The following CDH12 variants were observed in gnomAD, a reference collection of about 807,000 sequenced individuals.
CDH12 encodes cadherin-12.
In CDH12, 41 loss-of-function variants were observed where a neutral mutation model predicts 74.1. The ratio of observed to expected loss-of-function variants is 0.55; its 90% confidence interval spans 0.43 to 0.72. The LOEUF is 0.72. Among genes scored for constraint, CDH12 ranks in the 30% least tolerant of loss-of-function variants. The probability of loss-of-function intolerance (pLI) is 0.00; values close to 1 mark genes in which losing one functional copy is unlikely to be tolerated. For synonymous variants in CDH12, 399 were observed against 355.0 expected (o/e 1.12, Z -1.39); for missense variants, 945 against 977.2 (o/e 0.97, Z 0.44).
At chr5:22,787,798 T>C (rs1330448806) in intron 1 of CDH12, among the ~76,000 whole-genome samples, 2 of 152,148 alleles carry the variant, frequency 1.3e-5, no homozygotes, top group African/African-American at 2.4e-5. Context: ...CACTCGCTGG[T>C]TTCCAGAGTC....
At chr5:22,074,711 G>T (rs564444507) in intron 5 of CDH12, among the ~76,000 whole-genome samples, 1 of 152,118 alleles carries the variant, frequency 6.6e-6, no homozygotes, top group African/African-American at 2.4e-5. Flanking sequence ...ATGAAAAAAT[G>T]CTCATCATCA....
chr5:21,937,662 C>A (rs1272484053), intron 6 of CDH12, among the ~76,000 whole-genome samples: 1 of 152,146 alleles, frequency 6.6e-6, no homozygotes, highest in African/African-American at 2.4e-5. Flanking sequence ...CAGACTCAAT[C>A]CTATATGTGA....
intron 3 of CDH12, among the ~76,000 whole-genome samples, chr5:22,293,901 A>G (rs1446237623): frequency 6.6e-6 from 1 of 152,188 alleles, no homozygotes; most frequent in East Asian, 1.9e-4. Context: ...AGAAAAAATA[A>G]GCTCAAGAGA....
intron 4 of CDH12, 130 bp from the exon 5 acceptor site, chr5:22,078,992 AACGGTC>A (rs1226797594): frequency 1.5e-5 from 4 of 266,182 alleles, no homozygotes; most frequent in Non-Finnish European, 2.6e-5. Context: ...TATATTAGTA[AACGGTC>A]ACCGCTATTC....
chr5:22,405,527 C>T (rs1279600963), intron 2 of CDH12, among the ~76,000 whole-genome samples, 176 bp from the exon 3 acceptor site: 1 of 152,036 alleles, frequency 6.6e-6, no homozygotes, highest in East Asian at 1.9e-4. Context: ...TTCTATCAGG[C>T]CAAAGATAGT....
intron 1 of CDH12, among the ~76,000 whole-genome samples, chr5:22,824,436 T>C (rs965614502): frequency 6.6e-6 from 1 of 152,054 alleles, no homozygotes. Context: ...TACAAATGAG[T>C]AAGCATGTGA....
intron 4 of CDH12, among the ~76,000 whole-genome samples, chr5:22,095,162 G>A (rs113634206): frequency 3.3e-5 from 5 of 152,046 alleles, no homozygotes; most frequent in Non-Finnish European, 7.4e-5. Flanking sequence ...ACGACCTCAG[G>A]TCCTCAGACC....
intron 4 of CDH12, among the ~76,000 whole-genome samples, chr5:22,195,436 G>A (rs1004233600): frequency 1.3e-5 from 2 of 152,210 alleles, no homozygotes; most frequent in African/African-American, 4.8e-5. Flanking sequence ...AAATGTCAAT[G>A]TGTTGAATTG....
chr5:22,698,720 T>G (rs867896508), intron 1 of CDH12, among the ~76,000 whole-genome samples: 4,344 of 18,176 alleles, frequency 0.24, 691 homozygotes, highest in Middle Eastern at 0.37. Flanking sequence ...TATATATATA[T>G]ATATATATAT....
At chr5:22,196,216 C>T (rs546342059) in intron 4 of CDH12, among the ~76,000 whole-genome samples, 56 of 149,832 alleles carry the variant, frequency 3.7e-4, no homozygotes, top group African/African-American at 1.3e-3. Flanking sequence ...ATGATCTCGG[C>T]TCACTGCAAC....
chr5:21,907,339 A>G (rs1213224545), intron 6 of CDH12, among the ~76,000 whole-genome samples: 2 of 152,044 alleles, frequency 1.3e-5, no homozygotes, highest in Non-Finnish European at 2.9e-5. Flanking sequence ...AGGAAAGGAG[A>G]ATGGGGGATA....
chr5:22,281,786 T>C (rs1736895212), intron 3 of CDH12, among the ~76,000 whole-genome samples: 1 of 152,122 alleles, frequency 6.6e-6, no homozygotes, highest in Non-Finnish European at 1.5e-5. Context: ...ATTGTGAAAA[T>C]GGCCATACTG....
At chr5:22,562,990 ATATT>A (rs911349733) in intron 1 of CDH12, among the ~76,000 whole-genome samples, 23 of 147,574 alleles carry the variant, frequency 1.6e-4, no homozygotes, top group Middle Eastern at 3.6e-3. Flanking sequence ...ATAAATTTGA[ATATT>A]TATATATGCA....
chr5:22,025,505 T>C (rs909519705), intron 5 of CDH12, among the ~76,000 whole-genome samples: 2 of 152,182 alleles, frequency 1.3e-5, no homozygotes, highest in Non-Finnish European at 2.9e-5. Context: ...TGAATAGCCT[T>C]GCCTTGGATG....
Position 21,752,022 on chromosome 5 carries a change from T to C in CDH12, c.2100A>G (p.Leu700=), listed in dbSNP as rs753691487. ...RRDIKPDSLC[L]PRQRPPMEDN... is the part of the protein sequence containing the mutation. Reference sequence around the variant, plus strand: ...CTTCCATGGGTGGTCTCTGACGAGGTAAACAGAGAGAGTCTGGTTTTATAT... The same window carrying C: ...CTTCCATGGGTGGTCTCTGACGAGGCAAACAGAGAGAGTCTGGTTTTATAT... The change falls in exon 15 of 15, where the codon TTA becomes TTG. Residue 700 remains leucine (L), a synonymous_variant. Transcript: ENST00000382254. 5.6e-6 allele frequency: 9 copies of C among 1,614,118 alleles called. No individual in the cohort carries two copies. The East Asian group carries it at 2.0e-4, about 36-fold the overall frequency.
intron 1 of CDH12, among the ~76,000 whole-genome samples, chr5:22,527,357 C>G (rs1002645585): frequency 1.3e-5 from 2 of 152,032 alleles, no homozygotes; most frequent in African/African-American, 4.8e-5. Context: ...TCAGGTTAGA[C>G]TTTTGTTCAT....
intron 3 of CDH12, among the ~76,000 whole-genome samples, chr5:22,364,542 A>T (rs926733206): frequency 5.3e-5 from 8 of 152,154 alleles, no homozygotes; most frequent in Non-Finnish European, 8.8e-5. Context: ...ACATTGGTAG[A>T]AGGTGGTTAC....
chr5:22,746,936 T>C (rs1156548737), intron 1 of CDH12, among the ~76,000 whole-genome samples: 1 of 152,186 alleles, frequency 6.6e-6, no homozygotes, highest in East Asian at 1.9e-4. Context: ...GTACACAGTG[T>C]CATTGTTAGA....
chr5:22,497,892 C>G (rs184584834), intron 2 of CDH12, among the ~76,000 whole-genome samples: 185 of 152,180 alleles, frequency 1.2e-3, no homozygotes, highest in African/African-American at 4.4e-3. Context: ...ATCCGCCCAA[C>G]TCAGTCTCCC....
Sources: gnomAD v4.1 joint callset for allele counts (sites outside exome capture counted in the v4.1 genomes callset) on GRCh38, gnomAD v4.1.1 for gene constraint, MANE v1.5 for transcripts, NCBI Gene and HGNC (gene_info 2026-07-23, HGNC 2026-07-21) for gene names.